AIG1: variants seen among roughly 807,000 people sequenced by gnomAD.
AIG1 encodes androgen-induced gene 1 protein.
Under a neutral mutation model 31.4 loss-of-function variants are expected in AIG1, and 23 were observed. That is an observed-to-expected ratio of 0.73 (90% CI 0.53 to 1.04). The LOEUF (loss-of-function observed/expected upper bound fraction) is 1.04, where lower values mean the gene tolerates loss of function less well. AIG1 is among the 50% of genes least tolerant of loss of function. AIG1 has a pLI of 0.00. For missense variants in AIG1, 274 were observed against 295.0 expected, an observed-to-expected ratio of 0.93 and a Z score of 0.52; for synonymous variants, 100 against 110.5, an observed-to-expected ratio of 0.90 and a Z score of 0.60.
chr6:143,067,415 A>T (rs1036589203), intron 1 of AIG1, among the ~76,000 whole-genome samples: 1 of 152,140 alleles, frequency 6.6e-6, no homozygotes, highest in African/African-American at 2.4e-5. Flanking sequence ...CCAGAGAGAG[A>T]TGAGGATAAA....
chr6:143,117,705 A>G (rs945544472), intron 1 of AIG1, among the ~76,000 whole-genome samples: 1 of 152,194 alleles, frequency 6.6e-6, no homozygotes, highest in African/African-American at 2.4e-5. Flanking sequence ...TCTAAAGTCA[A>G]GAGTCGATCA....
chr6:143,120,316 C>A (rs1305971727), intron 1 of AIG1, among the ~76,000 whole-genome samples: 1 of 152,130 alleles, frequency 6.6e-6, no homozygotes, highest in Non-Finnish European at 1.5e-5. Flanking sequence ...TGTAAGTTGG[C>A]AGAATTTGAT....
chr6:143,078,655 A>G (rs543675930), intron 1 of AIG1, among the ~76,000 whole-genome samples: 5 of 152,348 alleles, frequency 3.3e-5, no homozygotes, highest in Admixed American at 2.6e-4. Flanking sequence ...AAAACCCCTT[A>G]TAAAACCATC....
chr6:143,222,499 G>A (rs1356757173), intron 3 of AIG1, among the ~76,000 whole-genome samples: 1 of 152,094 alleles, frequency 6.6e-6, no homozygotes, highest in African/African-American at 2.4e-5. Flanking sequence ...CAGAGCCTGT[G>A]AATTTCATTT....
At chr6:143,194,463 G>A (rs1427340613) in intron 3 of AIG1, among the ~76,000 whole-genome samples, 6 of 152,230 alleles carry the variant, frequency 3.9e-5, no homozygotes, top group Admixed American at 2.6e-4. Context: ...AAACCAAATC[G>A]CCCTATTATG....
chr6:143,119,043 T>C (rs912436609), intron 1 of AIG1, among the ~76,000 whole-genome samples: 4 of 152,054 alleles, frequency 2.6e-5, no homozygotes, highest in African/African-American at 9.7e-5. Flanking sequence ...CCAACTAGTT[T>C]TTCTATTTTT....
At chr6:143,169,380 G>A (rs1787276439) in intron 3 of AIG1, among the ~76,000 whole-genome samples, 1 of 152,090 alleles carries the variant, frequency 6.6e-6, no homozygotes, top group South Asian at 2.1e-4. Context: ...TGTATATAAT[G>A]TGTAATGGCC....
intron 3 of AIG1, among the ~76,000 whole-genome samples, chr6:143,182,498 T>C (rs77745838): frequency 0.023 from 3,430 of 152,172 alleles, 109 homozygotes; most frequent in African/African-American, 0.068. Context: ...ATTTGCTTAG[T>C]TCACTTCTCT....
rs1177682198 is a variant in AIG1, at chr6:143,334,816, T to C, written c.679+1371T>C. ...ACTTAAGTACCTGCTTACACTTGAC[T>C]TGATTGATTTGACAGTCATTTGGCC... On this transcript the variant is annotated intron_variant, in intron 5 of 5. Coordinates refer to ENST00000357847, the MANE Select transcript of AIG1 (RefSeq NM_016108.4). This position sits in a 1 kb window ranked among gnomAD's most constrained non-coding sequence, Gnocchi z 5.1. 6.6e-6 allele frequency among the ~76,000 whole-genome samples: 1 copy of C among 152,236 alleles called. No homozygotes were observed. The highest frequency in any genetic ancestry group is 6.5e-5 in the Admixed American group (1 of 15,292).
At chr6:143,124,992 T>A (rs1278554988) in intron 1 of AIG1, among the ~76,000 whole-genome samples, 6 of 152,220 alleles carry the variant, frequency 3.9e-5, no homozygotes, top group Non-Finnish European at 5.9e-5. Flanking sequence ...GGGGAGGACG[T>A]CCTTTTCCAA....
intron 4 of AIG1, among the ~76,000 whole-genome samples, chr6:143,324,192 G>A (rs1776432453): frequency 6.6e-6 from 1 of 152,236 alleles, no homozygotes; most frequent in African/African-American, 2.4e-5. Context: ...TAAGAGGTAA[G>A]TCAGTGCCTT....
chr6:143,322,879 G>C (rs946846546), intron 4 of AIG1, among the ~76,000 whole-genome samples: 1 of 152,198 alleles, frequency 6.6e-6, no homozygotes, highest in African/African-American at 2.4e-5. Context: ...ATTCTTGCAT[G>C]TGAGAAGTAC....
chr6:143,118,191 A>T (rs1298770125), intron 1 of AIG1, among the ~76,000 whole-genome samples: 1 of 152,100 alleles, frequency 6.6e-6, no homozygotes, highest in Non-Finnish European at 1.5e-5. Context: ...TGAGCACATC[A>T]TGCCCGGTGA....
rs116809044 is a variant in AIG1, at chr6:143,190,700, G to A, written c.399+25517G>A. ...AACCTGTATTCTAACATGATGGGATGTTGTCTTCTTTGCTTTCCTATCTTA... is the reference window on the plus strand; with the variant it reads ...AACCTGTATTCTAACATGATGGGATATTGTCTTCTTTGCTTTCCTATCTTA... On this transcript the variant is annotated intron_variant, in intron 3 of 5. Transcript: ENST00000357847. The A allele has an allele frequency of 1.5e-3, 1,123 of 748,396 alleles. 12 individuals are homozygous for A. In the African/African-American group the frequency reaches 0.016, roughly 11 times the overall value. 46.4% of individuals were successfully genotyped at this position (748,396 alleles called of 1,614,324 possible).
intron 1 of AIG1, among the ~76,000 whole-genome samples, chr6:143,062,586 T>C (rs758474047): frequency 2.4e-4 from 36 of 152,192 alleles, no homozygotes; most frequent in Non-Finnish European, 4.7e-4. Flanking sequence ...GGCTTGTCAA[T>C]GAGGATTGGC....
chr6:143,137,284 T>A (rs1783853137), intron 2 of AIG1, among the ~76,000 whole-genome samples: 1 of 152,218 alleles, frequency 6.6e-6, no homozygotes, highest in South Asian at 2.1e-4. Flanking sequence ...CCTCTGTGCC[T>A]GTCTTTGCCT....
chr6:143,220,449 A>G (rs983838606), intron 3 of AIG1, among the ~76,000 whole-genome samples: 3 of 152,186 alleles, frequency 2.0e-5, no homozygotes, highest in Non-Finnish European at 2.9e-5. Context: ...CTTGTGAATG[A>G]AAGAATGAAC....
At chr6:143,314,509 T>C (rs1055548664) in intron 4 of AIG1, among the ~76,000 whole-genome samples, 8 of 152,304 alleles carry the variant, frequency 5.3e-5, no homozygotes, top group Non-Finnish European at 1.0e-4. Flanking sequence ...AGAAATCAAT[T>C]GCTTTCCTAT....
downstream of AIG1, chr6:143,343,106 G>A: frequency 1.3e-6 from 1 of 769,096 alleles, no homozygotes; most frequent in Non-Finnish European, 2.4e-6. Context: ...GCAGCTGTCC[G>A]CACTAAGATC....
Sources: allele counts gnomAD v4.1 joint callset (sites outside exome capture counted in the v4.1 genomes callset), GRCh38; gene constraint gnomAD v4.1.1; non-coding constraint Gnocchi (gnomAD v3.1); transcripts MANE v1.5; gene names NCBI Gene and HGNC (gene_info 2026-07-23, HGNC 2026-07-21).